The following LMLN variants were observed in gnomAD, a reference collection of about 807,000 sequenced individuals.
The protein encoded by LMLN is leishmanolysin like peptidase, also known as leishmanolysin-like peptidase.
A neutral mutation model predicts 92.3 loss-of-function variants in LMLN; 70 were observed. The observed-to-expected ratio is 0.76, with a 90% CI of 0.63 to 0.92. LMLN has a LOEUF of 0.92. Among genes scored for constraint, LMLN ranks in the 40% least tolerant of loss-of-function variants. LMLN has a pLI of 0.00. For synonymous variants in LMLN, 308 were observed against 296.2 expected, an observed-to-expected ratio of 1.04 and a Z score of -0.41; for missense variants, 691 against 814.6, an observed-to-expected ratio of 0.85 and a Z score of 1.85.
intron 10 of LMLN, 79 bp from the exon 11 acceptor site, chr3:197,999,187 A>G (rs1268448312): frequency 1.0e-6 from 1 of 967,876 alleles, no homozygotes; most frequent in Non-Finnish European, 1.7e-6. Flanking sequence ...CATTTTAAAT[A>G]TGTATATCAG....
At chr3:198,006,946 C>T (rs1722311889) in intron 11 of LMLN, among the ~76,000 whole-genome samples, 1 of 152,076 alleles carries the variant, frequency 6.6e-6, no homozygotes, top group South Asian at 2.1e-4. Context: ...CTCCTGACCT[C>T]GTGATCCACC....
At chr3:198,026,805 C>T (rs1019316238) in intron 14 of LMLN, among the ~76,000 whole-genome samples, 5 of 151,582 alleles carry the variant, frequency 3.3e-5, no homozygotes, top group African/African-American at 9.7e-5. Flanking sequence ...AAGATCTGGG[C>T]GCTAATTATA....
chr3:198,010,996 T>C (rs1052952120), intron 11 of LMLN, among the ~76,000 whole-genome samples: 2 of 152,170 alleles, frequency 1.3e-5, no homozygotes, highest in Non-Finnish European at 2.9e-5. Flanking sequence ...TATTTGGAAA[T>C]TTTTCTGTTA....
Position 197,968,269 on chromosome 3 carries a change from A to G in LMLN, c.220-6108A>G, listed in dbSNP as rs368992235. ...ATCACGAGGTCAGGAGATCGAAACC[A>G]TCCTGGCTAACACGGTGAAACCCCG... On this transcript the variant is annotated intron_variant, in intron 1 of 15. Coordinates refer to ENST00000330198, the Ensembl canonical transcript of LMLN. Among the ~76,000 whole-genome samples the G allele has an allele frequency of 5.2e-3, 786 of 152,154 alleles. 6 individuals carry two copies. Among genetic ancestry groups the G allele is most frequent in the African/African-American group, 0.018 (749 of 41,512 alleles).
At chr3:197,978,498 T>G (rs112378096) in intron 5 of LMLN, among the ~76,000 whole-genome samples, 9,826 of 152,092 alleles carry the variant, frequency 0.065, 376 homozygotes, top group African/African-American at 0.099. Context: ...TTAGCCAGGA[T>G]TGGTGGTGTG....
chr3:197,971,284 G>A (rs1208271447), intron 1 of LMLN, among the ~76,000 whole-genome samples: 1 of 152,208 alleles, frequency 6.6e-6, no homozygotes, highest in Non-Finnish European at 1.5e-5. Context: ...GAAGATGAAG[G>A]AGAAGCAAGG....
At chr3:198,017,661 G>T (rs1483241388) in intron 11 of LMLN, among the ~76,000 whole-genome samples, 1 of 152,090 alleles carries the variant, frequency 6.6e-6, no homozygotes, top group Non-Finnish European at 1.5e-5. Context: ...GCCCATGACC[G>T]TAATCCCAGC....
intron 11 of LMLN, among the ~76,000 whole-genome samples, chr3:198,016,194 CAAAAAAAAAAAA>C (rs202075630): frequency 3.6e-5 from 3 of 83,876 alleles, no homozygotes; most frequent in South Asian, 7.6e-4. Flanking sequence ...GTTGCAAAAA[CAAAAAAAAAAAA>C]AAAAAAAGGA....
intron 9 of LMLN, among the ~76,000 whole-genome samples, chr3:197,993,651 C>T (rs1195494683): frequency 6.6e-6 from 1 of 152,012 alleles, no homozygotes; most frequent in East Asian, 1.9e-4. Context: ...GTTAAAATGT[C>T]CATACTACCC....
chr3:198,038,905 TCAGCAACCCAACCACCTC>T (rs1212491992), exon 16 of LMLN: 2 of 354,046 alleles, frequency 5.6e-6, no homozygotes, highest in African/African-American at 8.5e-5. Flanking sequence ...AACCACCTCG[TCAGCAACCCAACCACCTC>T]GTCAGCAACC....
chr3:198,014,735 C>T (rs1158245874), intron 11 of LMLN, among the ~76,000 whole-genome samples: 3 of 141,936 alleles, frequency 2.1e-5, no homozygotes, highest in Admixed American at 6.8e-5. Flanking sequence ...CTTCAGAGCC[C>T]CCTAACTAGT....
intron 5 of LMLN, among the ~76,000 whole-genome samples, chr3:197,980,115 C>T (rs1581139534): frequency 6.6e-6 from 1 of 152,170 alleles, no homozygotes; most frequent in South Asian, 2.1e-4. Context: ...GGTTTATGAT[C>T]ATTTTATGTA....
In LMLN at chr3:198,005,514, A is replaced by G. The variant is rs116456543; in HGVS notation, c.1232+6172A>G. 3.1e-3 allele frequency among the ~76,000 whole-genome samples: 469 copies of G among 152,330 alleles called. 3 individuals carry two copies. The highest frequency in any genetic ancestry group is 0.011 in the African/African-American group (445 of 41,586). On this transcript the variant is annotated intron_variant, in intron 11 of 15. Transcript: ENST00000330198. ...ATTTATAATACATAATACAATATAA[A>G]TGCTATGGAAATAGTTGTTATACTA...
exon 16 of LMLN, chr3:198,038,829 G>A: frequency 1.6e-6 from 1 of 613,306 alleles, no homozygotes; most frequent in South Asian, 1.9e-5. Context: ...GAACTTCACA[G>A]CAGCCTGTCC....
chr3:198,011,016 GT>G (rs1183495583), intron 11 of LMLN, among the ~76,000 whole-genome samples: 1 of 151,992 alleles, frequency 6.6e-6, no homozygotes, highest in Non-Finnish European at 1.5e-5. Flanking sequence ...ATTTTTTGTT[GT>G]TGAATTGTAT....
rs185526129 is a variant in LMLN at position 197,986,347 on chromosome 3, G to A, written c.929+457G>A. On this transcript the variant is annotated intron_variant, in intron 8 of 15. Transcript: ENST00000330198. The stretch of plus-strand genomic sequence containing the variant: ...ATGGTTGCATGCGCCTGTAGTCCCA[G>A]CTACTTGGGGTGCTGAGCAGAAGGA... Among the ~76,000 whole-genome samples, 3 of 152,260 alleles carry A rather than the reference G, an allele frequency of 2.0e-5. No individual in the cohort carries two copies. The East Asian group carries it at 5.8e-4, about 29-fold the overall frequency.
intron 11 of LMLN, among the ~76,000 whole-genome samples, chr3:198,007,548 A>G (rs1327670264): frequency 3.3e-5 from 5 of 152,202 alleles, no homozygotes; most frequent in Non-Finnish European, 7.3e-5. Flanking sequence ...CTAGTGATCC[A>G]TGTGTCCATG....
At chr3:197,999,297 A>G in exon 11 of LMLN, 1 of 1,613,912 alleles carries the variant, frequency 6.2e-7, no homozygotes, top group Non-Finnish European at 8.5e-7. Flanking sequence ...CACACTCAGA[A>G]TCGAGTACTC....
At chr3:197,998,577 T>A (rs543832797) in intron 10 of LMLN, among the ~76,000 whole-genome samples, 1 of 152,254 alleles carries the variant, frequency 6.6e-6, no homozygotes, top group East Asian at 1.9e-4. Flanking sequence ...ATTTTTTTTT[T>A]AAAGCGTGGT....
Sources: allele counts gnomAD v4.1 joint callset (sites outside exome capture counted in the v4.1 genomes callset), GRCh38; gene constraint gnomAD v4.1.1; transcripts MANE v1.5; gene names NCBI Gene and HGNC (gene_info 2026-07-23, HGNC 2026-07-21).